Variants in KDM4B observed in about 807,000 individuals in gnomAD.
KDM4B encodes the protein lysine-specific demethylase 4B.
A neutral mutation model predicts 125.2 loss-of-function variants in KDM4B; 32 were observed. The observed-to-expected ratio is 0.26, with a 90% CI of 0.19 to 0.34. The LOEUF (loss-of-function observed/expected upper bound fraction) is 0.34. Ranked by LOEUF, KDM4B falls within the 10% of genes least tolerant of loss-of-function variation. The pLI is 1.00. For synonymous variants in KDM4B, 721 were observed against 677.9 expected, an observed-to-expected ratio of 1.06 and a Z score of -0.99; for missense variants, 1,190 against 1,577.7, an observed-to-expected ratio of 0.75 and a Z score of 4.16.
chr19:5,067,370 G>C (rs2037804874), intron 6 of KDM4B, among the ~76,000 whole-genome samples: 1 of 152,176 alleles, frequency 6.6e-6, no homozygotes, highest in Non-Finnish European at 1.5e-5. Flanking sequence ...CAATCCCTGT[G>C]CGCTGGGCCG....
intron 9 of KDM4B, among the ~76,000 whole-genome samples, chr19:5,099,743 A>G (rs1197171148): frequency 6.6e-6 from 1 of 152,236 alleles, no homozygotes; most frequent in Non-Finnish European, 1.5e-5. Flanking sequence ...CTTATAAAAG[A>G]GCCCCCAGAG....
rs568478446 is a variant in KDM4B, at chr19:5,035,793, G to A, written c.141+2762G>A. Reference sequence around the variant, plus strand: ...GTGCAGAGAATCCTTTCTCAAACCCGTGGAGGGGGCTGGGCAGTAGGGGGC... The same window carrying A: ...GTGCAGAGAATCCTTTCTCAAACCCATGGAGGGGGCTGGGCAGTAGGGGGC... On this transcript the variant is annotated intron_variant, in intron 3 of 22. Coordinates refer to ENST00000159111, the MANE Select transcript of KDM4B (RefSeq NM_015015.3). This position sits in a 1 kb window ranked among gnomAD's most constrained non-coding sequence, Gnocchi z 5.3. 1.8e-4 allele frequency among the ~76,000 whole-genome samples: 27 copies of A among 152,224 alleles called. No homozygotes were observed. The highest frequency in any genetic ancestry group is 6.5e-4 in the African/African-American group (27 of 41,542).
At chr19:5,151,086 C>T (rs2039938931) in intron 22 of KDM4B, among the ~76,000 whole-genome samples, 1 of 152,176 alleles carries the variant, frequency 6.6e-6, no homozygotes, top group Non-Finnish European at 1.5e-5. Context: ...TGGGAGCTGC[C>T]AGATGGACGG....
At chr19:5,086,003 C>T (rs986008504) in intron 9 of KDM4B, among the ~76,000 whole-genome samples, 1 of 152,162 alleles carries the variant, frequency 6.6e-6, no homozygotes, top group African/African-American at 2.4e-5. Context: ...GAAGGGGCAG[C>T]CCAGAACCCC....
chr19:5,131,035 C>G, intron 11 of KDM4B, 41 bp from the exon 12 acceptor site: 1 of 1,413,450 alleles, frequency 7.1e-7, no homozygotes, highest in Non-Finnish European at 9.4e-7. Flanking sequence ...AGCACTTGAG[C>G]CCGGGTTCTC....
At chr19:5,048,099 C>T (rs530376509) in intron 6 of KDM4B, among the ~76,000 whole-genome samples, 12 of 152,350 alleles carry the variant, frequency 7.9e-5, no homozygotes, top group South Asian at 6.2e-4. Flanking sequence ...TCGCAGTCTC[C>T]GCCCTGGCAC....
chr19:5,011,337 C>G (rs79126151), intron 1 of KDM4B, among the ~76,000 whole-genome samples: 2 of 152,192 alleles, frequency 1.3e-5, no homozygotes, highest in Non-Finnish European at 2.9e-5. Context: ...GGAACGCTAA[C>G]CCATGTGTAT....
intron 8 of KDM4B, among the ~76,000 whole-genome samples, chr19:5,080,360 G>A (rs1335572890): frequency 6.6e-6 from 1 of 152,214 alleles, no homozygotes; most frequent in African/African-American, 2.4e-5. Context: ...CAGCAGGCCT[G>A]AGAACTCCTA....
At chr19:5,099,460 A>C (rs2613751) in intron 9 of KDM4B, among the ~76,000 whole-genome samples, 9,062 of 152,300 alleles carry the variant, frequency 0.06, 309 homozygotes, top group African/African-American at 0.077. Flanking sequence ...AAAGGGCAAG[A>C]TTTACAGTAA....
At chr19:5,007,984 G>A (rs1259886741) in intron 1 of KDM4B, among the ~76,000 whole-genome samples, 1 of 152,154 alleles carries the variant, frequency 6.6e-6, no homozygotes, top group African/African-American at 2.4e-5. Flanking sequence ...CTAAGAGTTG[G>A]GTAGTTCTGA....
chr19:5,136,660 C>T (rs1389627404), intron 15 of KDM4B, among the ~76,000 whole-genome samples: 3 of 152,196 alleles, frequency 2.0e-5, no homozygotes. Flanking sequence ...TGCCCACCAC[C>T]CTGCTGCTCT....
chr19:5,151,397 G>A lies in KDM4B; in HGVS notation c.3177G>A (p.Lys1059=). 1.3e-6 allele frequency: 2 copies of A among 1,584,944 alleles called. No homozygotes were observed. Among genetic ancestry groups the A allele is most frequent in the South Asian group, 1.1e-5 (1 of 87,028 alleles). The change falls in exon 23 of 23, where the codon AAG becomes AAA. Residue 1059 remains lysine (K), a synonymous_variant. Transcript: ENST00000159111. ...CGGGGGAGGAGGCCAAGGCCGCCAAGCGCCCGCGTGTGGGCACCCCGCTTG... is the reference window on the plus strand; with the variant it reads ...CGGGGGAGGAGGCCAAGGCCGCCAAACGCCCGCGTGTGGGCACCCCGCTTG... ...AFSGEEAKAA[K]RPRVGTPLAT... is the part of the protein sequence containing the mutation.
chr19:5,038,037 C>T (rs908648390), intron 3 of KDM4B, among the ~76,000 whole-genome samples: 6 of 152,384 alleles, frequency 3.9e-5, no homozygotes, highest in Middle Eastern at 3.4e-3. Flanking sequence ...AAGCTGCCAG[C>T]GATGCAGGCG....
At chr19:5,034,536 AAAC>A (rs2036556924) in intron 3 of KDM4B, among the ~76,000 whole-genome samples, 1 of 152,208 alleles carries the variant, frequency 6.6e-6, no homozygotes, top group Non-Finnish European at 1.5e-5. Context: ...TTAAAAATGA[AAAC>A]AAACAAACAA....
intron 6 of KDM4B, among the ~76,000 whole-genome samples, chr19:5,061,746 C>T (rs1196277088): frequency 6.6e-6 from 1 of 151,008 alleles, no homozygotes; most frequent in Non-Finnish European, 1.5e-5. Context: ...GCACACCTGT[C>T]ATCTTTTAGC....
chr19:5,138,101 C>G, intron 18 of KDM4B, 31 bp downstream of exon 18: 1 of 1,555,064 alleles, frequency 6.4e-7, no homozygotes, highest in East Asian at 2.3e-5. Context: ...CCCACCCTGC[C>G]CGTGCCTCTA....
At chr19:5,021,201 C>T (rs1320516751) in intron 2 of KDM4B, among the ~76,000 whole-genome samples, 1 of 151,654 alleles carries the variant, frequency 6.6e-6, no homozygotes, top group Admixed American at 6.6e-5. Flanking sequence ...GGCCCTGTGT[C>T]CTCCAGCTCT....
intron 1 of KDM4B, among the ~76,000 whole-genome samples, chr19:4,984,307 TA>T (rs1346145408): frequency 6.6e-6 from 1 of 152,242 alleles, no homozygotes; most frequent in Non-Finnish European, 1.5e-5. Context: ...TAGAAGTTTC[TA>T]AAATCTTTTT....
rs530913419 is a variant in KDM4B at position 5,051,924 on chromosome 19, ACACT to A, written c.626+4258_626+4261del. Among the ~76,000 whole-genome samples the A allele has an allele frequency of 2.0e-4, 30 of 152,248 alleles. No individual in the cohort carries two copies. In the South Asian group the frequency reaches 5.4e-3, roughly 27 times the overall value. ...TCTCCTGCCTCTGTTTACCTTGGAC[ACACT>A]CAGTCTCCGGTGCAGGTGTGGGAGG... On this transcript the variant is annotated intron_variant, in intron 6 of 22. Transcript: ENST00000159111.
Sources: gnomAD v4.1 joint callset for allele counts (sites outside exome capture counted in the v4.1 genomes callset) on GRCh38, gnomAD v4.1.1 for gene constraint, Gnocchi (gnomAD v3.1) non-coding constraint, MANE v1.5 for transcripts, NCBI Gene and HGNC (gene_info 2026-07-23, HGNC 2026-07-21) for gene names.